KCNMB2: variants seen among roughly 807,000 people sequenced by gnomAD.
The protein encoded by KCNMB2 is calcium-activated potassium channel subunit beta-2.
In KCNMB2, 9 loss-of-function variants were observed where a neutral mutation model predicts 24.5. That is an observed-to-expected ratio of 0.37 (90% confidence interval 0.22 to 0.64). The LOEUF is 0.64. Among genes scored for constraint, KCNMB2 ranks in the 30% least tolerant of loss-of-function variants. KCNMB2 has a pLI of 0.63. For synonymous variants in KCNMB2, 109 were observed against 104.4 expected (o/e 1.04, Z -0.27); for missense variants, 226 against 284.3 (o/e 0.79, Z 1.47).
intron 1 of KCNMB2, among the ~76,000 whole-genome samples, chr3:178,568,346 G>A (rs1449793772): frequency 6.6e-6 from 1 of 152,184 alleles, no homozygotes; most frequent in Admixed American, 6.5e-5. Flanking sequence ...ACACCACTGT[G>A]AGTGTAACTA....
rs115933475 is a variant in KCNMB2, at chr3:178,732,828, T to C, written c.-67-74515T>C. On this transcript the variant is annotated intron_variant, in intron 1 of 4. Transcript: ENST00000452583. ...TGTATTTCCTCCAGGAGTCATGGTT[T>C]AGTACTCGCTGGCTCAGTGTTCACA... 2.7e-3 allele frequency among the ~76,000 whole-genome samples: 408 copies of C among 152,328 alleles called. 3 individuals carry two copies. Among genetic ancestry groups the C allele is most frequent in the African/African-American group, 9.2e-3 (383 of 41,572 alleles).
At chr3:178,787,871 A>G (rs1713170615) in intron 1 of KCNMB2, among the ~76,000 whole-genome samples, 1 of 152,186 alleles carries the variant, frequency 6.6e-6, no homozygotes, top group Non-Finnish European at 1.5e-5. Context: ...TTGGATTGAA[A>G]TTTTATCTTC....
intron 1 of KCNMB2, among the ~76,000 whole-genome samples, chr3:178,777,020 G>A (rs1712608989): frequency 6.6e-6 from 1 of 152,122 alleles, no homozygotes; most frequent in Non-Finnish European, 1.5e-5. Flanking sequence ...ATATTGTAAT[G>A]CCCATAATAC....
chr3:178,717,203 G>A (rs1210947874), intron 1 of KCNMB2, among the ~76,000 whole-genome samples: 1 of 151,994 alleles, frequency 6.6e-6, no homozygotes, highest in East Asian at 1.9e-4. Context: ...TTCATATCTA[G>A]TTTGGCCTGG....
intron 2 of KCNMB2, among the ~76,000 whole-genome samples, chr3:178,811,700 A>T (rs1714200194): frequency 6.6e-6 from 1 of 152,208 alleles, no homozygotes; most frequent in African/African-American, 2.4e-5. Flanking sequence ...GTGCACATGT[A>T]TGAACATTTC....
Position 178,693,468 on chromosome 3 carries a change from A to C in KCNMB2, c.-67-113875A>C, listed in dbSNP as rs976970157. On this transcript the variant is annotated intron_variant, in intron 1 of 4. Coordinates refer to ENST00000452583, the MANE Select transcript of KCNMB2 (RefSeq NM_181361.3). ...GACTTTTTAACATGAATGAAAGTTG[A>C]ATTTTATTGAAAGCATTTTCTACAT... Among the ~76,000 whole-genome samples, 15 of 152,298 alleles carry C rather than the reference A, an allele frequency of 9.8e-5. 1 individual carries two copies. The East Asian group carries it at 2.9e-3, about 29-fold the overall frequency.
rs564576678 is a variant in KCNMB2, at chr3:178,559,780, C to A, written c.-68+23069C>A. Among the ~76,000 whole-genome samples the A allele has an allele frequency of 1.5e-4, 22 of 150,112 alleles. No individual in the cohort carries two copies. The East Asian group carries it at 4.3e-3, about 29-fold the overall frequency. ...TTCCTGGTATATGTTGTCCACTTTG[C>A]GAAAATGATTATTAATAGCCTGACT... is the stretch of plus-strand genomic sequence containing the variant. On this transcript the variant is annotated intron_variant, in intron 1 of 4. Coordinates refer to ENST00000452583, the MANE Select transcript of KCNMB2 (RefSeq NM_181361.3).
intron 1 of KCNMB2, among the ~76,000 whole-genome samples, chr3:178,800,804 A>G (rs1180908393): frequency 6.6e-6 from 1 of 152,200 alleles, no homozygotes; most frequent in African/African-American, 2.4e-5. Context: ...GAATAGATAA[A>G]GAAAATGTGG....
At position 178,691,107 on chromosome 3, in the gene KCNMB2, C is replaced by CTTTTTTTTTTTTTTTTTTTTTTT. The variant is rs71181241; in HGVS notation, c.-67-116216_-67-116215insTTTTTTTTTTTTTTTTTTTTTTT. On this transcript the variant is annotated intron_variant, in intron 1 of 4. Transcript: ENST00000452583. ...TGTACAGCATAATTCCCCATTAAGT[C>CTTTTTTTTTTTTTTTTTTTTTTT]TTTTTTTTTTTTTTTTTTTTGATAG... Among the ~76,000 whole-genome samples, 120 of 79,714 alleles carry CTTTTTTTTTTTTTTTTTTTTTTT rather than the reference C, an allele frequency of 1.5e-3. 17 individuals carry two copies. The highest frequency in any genetic ancestry group is 2.3e-3 in the African/African-American group (38 of 16,290). The allele number at this position is 79,714 out of a possible 152,430, so 52.3% of individuals were successfully genotyped here. A position where few individuals can be genotyped will look rare whatever the true frequency, so the allele number is the denominator to read the frequency against.
chr3:178,688,092 CT>C (rs1178267125), intron 1 of KCNMB2, among the ~76,000 whole-genome samples: 3 of 152,110 alleles, frequency 2.0e-5, no homozygotes, highest in African/African-American at 7.2e-5. Flanking sequence ...ATTAAGTGGG[CT>C]GCTGACAACC....
At chr3:178,602,813 C>T (rs964154592) in intron 1 of KCNMB2, among the ~76,000 whole-genome samples, 1 of 152,124 alleles carries the variant, frequency 6.6e-6, no homozygotes, top group African/African-American at 2.4e-5. Flanking sequence ...GCTGAGCCTA[C>T]CCCCAGCGTT....
At chr3:178,825,492 A>G in intron 2 of KCNMB2, 96 bp from the exon 3 acceptor site, 1 of 976,526 alleles carries the variant, frequency 1.0e-6, no homozygotes, top group Non-Finnish European at 1.5e-6. Flanking sequence ...GCAGGTTTGG[A>G]GGGCCCTAGG....
At chr3:178,625,854 A>G (rs1017642820) in intron 1 of KCNMB2, among the ~76,000 whole-genome samples, 1 of 152,226 alleles carries the variant, frequency 6.6e-6, no homozygotes, top group African/African-American at 2.4e-5. Flanking sequence ...GTGTTCTTCC[A>G]AATGCATCAA....
intron 1 of KCNMB2, among the ~76,000 whole-genome samples, chr3:178,756,687 T>A (rs1479322791): frequency 6.6e-6 from 1 of 152,118 alleles, no homozygotes; most frequent in Non-Finnish European, 1.5e-5. Context: ...TCCATAGCTT[T>A]ATCAGGCACT....
intron 1 of KCNMB2, among the ~76,000 whole-genome samples, chr3:178,757,304 A>G (rs1309034816): frequency 4.5e-5 from 5 of 112,028 alleles, no homozygotes; most frequent in Admixed American, 9.2e-5. Flanking sequence ...ATATATATAT[A>G]TATCCATCCA....
intron 2 of KCNMB2, among the ~76,000 whole-genome samples, chr3:178,819,879 G>A (rs1714558125): frequency 6.6e-6 from 1 of 151,814 alleles, no homozygotes; most frequent in Admixed American, 6.6e-5. Context: ...TTTGTTAGAA[G>A]GATATATTCA....
intron 1 of KCNMB2, among the ~76,000 whole-genome samples, chr3:178,674,769 C>T (rs898019298): frequency 2.0e-5 from 3 of 152,182 alleles, no homozygotes; most frequent in African/African-American, 2.4e-5. Context: ...AGTCCCATCA[C>T]CATCTGGCCA....
intron 1 of KCNMB2, among the ~76,000 whole-genome samples, chr3:178,623,238 T>C (rs1479659075): frequency 1.3e-5 from 2 of 152,238 alleles, no homozygotes; most frequent in Non-Finnish European, 2.9e-5. Flanking sequence ...GGACCTCAGA[T>C]ACCGCTTCAA....
At chr3:178,690,073 G>T (rs116384605) in intron 1 of KCNMB2, among the ~76,000 whole-genome samples, 2,244 of 152,200 alleles carry the variant, frequency 0.015, 23 homozygotes, top group Middle Eastern at 0.027. Context: ...TAGAAATCAG[G>T]AAATGTGTTA....
Sources: allele counts gnomAD v4.1 joint callset (sites outside exome capture counted in the v4.1 genomes callset), GRCh38; gene constraint gnomAD v4.1.1; transcripts MANE v1.5; gene names NCBI Gene and HGNC (gene_info 2026-07-23, HGNC 2026-07-21).